Variants in LYSMD2 observed in about 807,000 individuals in gnomAD.
LYSMD2 encodes the protein LysM domain containing 2, also known as lysM and putative peptidoglycan-binding domain-containing protein 2.
Under a neutral mutation model 17.7 loss-of-function variants are expected in LYSMD2, and 6 were observed. The ratio of observed to expected loss-of-function variants is 0.34; its 90% confidence interval spans 0.19 to 0.67. The LOEUF (loss-of-function observed/expected upper bound fraction) is 0.67, where lower values mean the gene tolerates loss of function less well. Among genes scored for constraint, LYSMD2 ranks in the 30% least tolerant of loss-of-function variants. LYSMD2 has a pLI of 0.69. For missense variants in LYSMD2, 237 were observed against 286.7 expected (o/e 0.83, Z 1.25); for synonymous variants, 102 against 129.8 (o/e 0.79, Z 1.45).
chr15:51,745,775 C>A (rs1170616408), intron 1 of LYSMD2, among the ~76,000 whole-genome samples: 1 of 152,016 alleles, frequency 6.6e-6, no homozygotes, highest in Non-Finnish European at 1.5e-5. Context: ...AATAGTCCAA[C>A]TGAAAAATAA....
chr15:51,730,658 C>T (rs2055570714), intron 1 of LYSMD2, among the ~76,000 whole-genome samples: 1 of 152,190 alleles, frequency 6.6e-6, no homozygotes. Flanking sequence ...CATCATCAGT[C>T]CACCTACCTA....
At chr15:51,738,479 T>C (rs1378901584), upstream of LYSMD2, among the ~76,000 whole-genome samples, 1 of 152,126 alleles carries the variant, frequency 6.6e-6, no homozygotes, top group Non-Finnish European at 1.5e-5. Flanking sequence ...AAATCGCATC[T>C]CCCTGCCCCG....
upstream of LYSMD2, chr15:51,737,854 G>A (rs185681762): frequency 5.1e-4 from 154 of 301,464 alleles, no homozygotes; most frequent in East Asian, 5.7e-3. This position sits in a 1 kb window ranked among gnomAD's most constrained non-coding sequence, Gnocchi z 4.2. Flanking sequence ...AAGGTTAAGA[G>A]CGAAAGCAGC....
At chr15:51,739,898 G>T (rs2055634522), upstream of LYSMD2, among the ~76,000 whole-genome samples, 1 of 152,140 alleles carries the variant, frequency 6.6e-6, no homozygotes, top group African/African-American at 2.4e-5. Flanking sequence ...CTGCACTCCA[G>T]CCTCAGCAAC....
At chr15:51,733,111 C>T (rs766096212) in intron 1 of LYSMD2, among the ~76,000 whole-genome samples, 5 of 152,096 alleles carry the variant, frequency 3.3e-5, no homozygotes, top group Non-Finnish European at 5.9e-5. Flanking sequence ...CTGGAAGGTG[C>T]CAATTATGTT....
chr15:51,729,657 G>A (rs2055564275), intron 1 of LYSMD2, among the ~76,000 whole-genome samples: 1 of 152,040 alleles, frequency 6.6e-6, no homozygotes, highest in Non-Finnish European at 1.5e-5. Context: ...ACGGGCTTTC[G>A]CCGTGTTAGC....
chr15:51,747,017 TAAAAAAAAAA>T (rs1050919768), intron 1 of LYSMD2, among the ~76,000 whole-genome samples: 1 of 65,788 alleles, frequency 1.5e-5, no homozygotes, highest in Non-Finnish European at 2.9e-5. Flanking sequence ...CTGTCTCTAC[TAAAAAAAAAA>T]AAAAAAAAAA....
intron 1 of LYSMD2, among the ~76,000 whole-genome samples, chr15:51,749,501 G>A (rs561618027): frequency 1.3e-5 from 2 of 152,272 alleles, no homozygotes; most frequent in South Asian, 4.1e-4. Context: ...TCCCCTGTCT[G>A]CTTCCTTTCA....
intron 1 of LYSMD2, among the ~76,000 whole-genome samples, chr15:51,747,072 C>T (rs995129917): frequency 1.3e-5 from 2 of 149,230 alleles, no homozygotes; most frequent in East Asian, 2.0e-4. Flanking sequence ...TGGTGGCACA[C>T]GCCTGTAGTC....
At position 51,737,546 on chromosome 15, in the gene LYSMD2, G is replaced by GGCGGCGAGGGGGCCGAGGGCC. The variant is rs2055619241; in HGVS notation, c.56_76dup (p.Arg19_Pro25dup). On this transcript the variant is annotated inframe_insertion, in exon 1 of 3. Transcript: ENST00000267838. The surrounding 1 kb of genome is among the most constrained non-coding windows in gnomAD (Gnocchi z 4.2). ...CTCGGAGCCGGAGCGCGAGCGCGGC[G>GGCGGCGAGGGGGCCGAGGGCC]GCGGCGAGGGGGCCGAGGGCCGCGG... 1 of 1,231,122 alleles carries GGCGGCGAGGGGGCCGAGGGCC rather than the reference G, an allele frequency of 8.1e-7. No individual in the cohort carries two copies. Among genetic ancestry groups the GGCGGCGAGGGGGCCGAGGGCC allele is most frequent in the Non-Finnish European group, 1.0e-6 (1 of 989,876 alleles). The allele number at this position is 1,231,122 out of a possible 1,614,324, so 76.3% of individuals were successfully genotyped here. A position where few individuals can be genotyped will look rare whatever the true frequency, so the allele number is the denominator to read the frequency against.
At chr15:51,739,220 TTGTACTTGCA>T (rs1416883712), upstream of LYSMD2, among the ~76,000 whole-genome samples, 1 of 152,234 alleles carries the variant, frequency 6.6e-6, no homozygotes, top group African/African-American at 2.4e-5. Context: ...TGTTTTGTGT[TTGTACTTGCA>T]TGTACATGCA....
intron 1 of LYSMD2, among the ~76,000 whole-genome samples, chr15:51,726,439 A>C (rs2141591831): frequency 6.6e-6 from 1 of 152,318 alleles, no homozygotes; most frequent in South Asian, 2.1e-4. Flanking sequence ...CAATGACACT[A>C]AGCCCTCCCC....
chr15:51,727,370 T>A (rs1411059383), intron 1 of LYSMD2, among the ~76,000 whole-genome samples: 1 of 151,922 alleles, frequency 6.6e-6, no homozygotes, highest in Non-Finnish European at 1.5e-5. Context: ...CTATCAGGAG[T>A]CCCAGATCCA....
chr15:51,724,367 T>C (rs1434346393), intron 2 of LYSMD2, among the ~76,000 whole-genome samples: 2 of 152,198 alleles, frequency 1.3e-5, no homozygotes, highest in Non-Finnish European at 2.9e-5. Context: ...GTATTTTCTA[T>C]GACACTACTT....
At chr15:51,738,309 C>G (rs1713212351), upstream of LYSMD2, among the ~76,000 whole-genome samples, 1 of 152,030 alleles carries the variant, frequency 6.6e-6, no homozygotes, top group African/African-American at 2.4e-5. Context: ...TCAAAATAAC[C>G]CCCCTAGTTG....
At chr15:51,751,125 C>A (rs1321746945) in intron 1 of LYSMD2, 4 of 583,568 alleles carry the variant, frequency 6.9e-6, no homozygotes, top group Non-Finnish European at 9.3e-6. Flanking sequence ...TGCGCTTGGG[C>A]TCTCCAGCCC....
chr15:51,737,271 C>G lies in LYSMD2; in HGVS notation c.273+79G>C. The stretch of plus-strand genomic sequence containing the variant: ...AAACCCCCACCCGCAGTCCCACCCC[C>G]ACCCCCACCGCACCCCGAGCCGCAC... On this transcript the variant is annotated intron_variant, in intron 1 of 2. Coordinates refer to ENST00000267838, the MANE Select transcript of LYSMD2 (RefSeq NM_153374.3). This position sits in a 1 kb window ranked among gnomAD's most constrained non-coding sequence, Gnocchi z 4.2. The G allele has an allele frequency of 1.7e-4, 162 of 930,754 alleles. No individual in the cohort carries two copies. The highest frequency in any genetic ancestry group is 2.1e-4 in the Non-Finnish European group (146 of 706,442). The allele number at this position is 930,754 out of a possible 1,614,324, so 57.7% of individuals were successfully genotyped here. A position where few individuals can be genotyped will look rare whatever the true frequency, so the allele number is the denominator to read the frequency against.
intron 1 of LYSMD2, among the ~76,000 whole-genome samples, chr15:51,743,012 T>C (rs146500504): frequency 6.0e-4 from 91 of 152,338 alleles, no homozygotes; most frequent in African/African-American, 2.0e-3. Flanking sequence ...TGAGGACTTC[T>C]ATTTTGTCTT....
intron 1 of LYSMD2, among the ~76,000 whole-genome samples, chr15:51,750,763 A>G (rs904186261): frequency 6.6e-6 from 1 of 152,074 alleles, no homozygotes; most frequent in Non-Finnish European, 1.5e-5. Flanking sequence ...TATTTTCTCT[A>G]TCTTTGGAGC....
Sources: gnomAD v4.1 joint callset for allele counts (sites outside exome capture counted in the v4.1 genomes callset) on GRCh38, gnomAD v4.1.1 for gene constraint, Gnocchi (gnomAD v3.1) non-coding constraint, MANE v1.5 for transcripts, NCBI Gene and HGNC (gene_info 2026-07-23, HGNC 2026-07-21) for gene names.